Variants in KIAA1549 observed in about 807,000 individuals in gnomAD.
KIAA1549 encodes the protein KIAA1549.
KIAA1549 carries 70 observed loss-of-function variants against 156.4 expected under a neutral mutation model. That is an observed-to-expected ratio of 0.45 (90% CI 0.37 to 0.55). KIAA1549 has a LOEUF of 0.55. Among genes scored for constraint, KIAA1549 ranks in the 20% least tolerant of loss-of-function variants. KIAA1549 has a pLI of 0.00. For missense variants in KIAA1549, 2,428 were observed against 2,540.9 expected, an observed-to-expected ratio of 0.96 and a Z score of 0.96; for synonymous variants, 1,103 against 1,066.4, an observed-to-expected ratio of 1.03 and a Z score of -0.67.
At chr7:138,875,102 A>AAG (rs1811043326) in intron 12 of KIAA1549, among the ~76,000 whole-genome samples, 1 of 152,220 alleles carries the variant, frequency 6.6e-6, no homozygotes, top group African/African-American at 2.4e-5. Context: ...AATTAGCTTG[A>AAG]AGAGCATATT....
At chr7:138,902,900 G>A (rs1473537784) in intron 8 of KIAA1549, among the ~76,000 whole-genome samples, 1 of 152,076 alleles carries the variant, frequency 6.6e-6, no homozygotes, top group African/African-American at 2.4e-5. Flanking sequence ...AGAATTCATG[G>A]GGAAAAAAGA....
chr7:138,837,006 A>C lies in KIAA1549; in HGVS notation c.*900T>G, dbSNP rs1584976729. The C allele has an allele frequency of 4.4e-6, 1 of 229,204 alleles. No homozygotes were observed. Among genetic ancestry groups the C allele is most frequent in the East Asian group, 6.3e-5 (1 of 15,978 alleles). 14.2% of individuals were successfully genotyped at this position (229,204 alleles called of 1,614,324 possible). A position where few individuals can be genotyped will look rare whatever the true frequency, so the allele number is the denominator to read the frequency against. Reference sequence around the variant, plus strand: ...AGAAAGGATCAGTTAGGACCTCTTGAAAGCCGCATTCTACAGGATCGGCCT... The same window carrying C: ...AGAAAGGATCAGTTAGGACCTCTTGCAAGCCGCATTCTACAGGATCGGCCT... On this transcript the variant is annotated 3_prime_UTR_variant, in exon 20 of 20. Coordinates refer to ENST00000422774, the MANE Select transcript of KIAA1549 (RefSeq NM_001164665.2).
chr7:138,872,562 G>C (rs75395300), intron 12 of KIAA1549, among the ~76,000 whole-genome samples: 2 of 152,114 alleles, frequency 1.3e-5, no homozygotes, highest in African/African-American at 4.8e-5. Flanking sequence ...AAAAGAGAAA[G>C]AGAAAAATGA....
At chr7:138,868,215 C>T in intron 14 of KIAA1549, 87 bp from the exon 15 acceptor site, 4 of 1,269,268 alleles carry the variant, frequency 3.2e-6, no homozygotes, top group Non-Finnish European at 4.4e-6. Flanking sequence ...CCCTGAGTAC[C>T]TAGGATGTGC....
chr7:138,841,551 T>G (rs1233618739), intron 18 of KIAA1549, among the ~76,000 whole-genome samples: 1 of 152,228 alleles, frequency 6.6e-6, no homozygotes, highest in Non-Finnish European at 1.5e-5. Context: ...GCGAACAAAG[T>G]GATCCTTAAG....
intron 1 of KIAA1549, among the ~76,000 whole-genome samples, chr7:138,970,418 C>T (rs896227191): frequency 2.0e-5 from 3 of 152,196 alleles, no homozygotes; most frequent in Non-Finnish European, 2.9e-5. Context: ...GCTCCGAACC[C>T]GCTACTGCTC....
At chr7:138,881,727 G>T in intron 10 of KIAA1549, 143 bp from the exon 11 acceptor site, 1 of 695,638 alleles carries the variant, frequency 1.4e-6, no homozygotes, top group African/African-American at 1.8e-5. Flanking sequence ...CTGCATGCCA[G>T]GTTCTGTTTA....
chr7:138,917,200 G>A lies in KIAA1549; in HGVS notation c.2426C>T (p.Thr809Ile). Residue 809 changes from threonine to isoleucine, a missense_variant, in exon 2 of 20, where the codon ACA becomes ATA. Thr to Ile is a moderately conservative substitution (Grantham distance 89). Coordinates refer to ENST00000422774, the MANE Select transcript of KIAA1549 (RefSeq NM_001164665.2). Reference protein sequence around the residue: ...LTESSLFSTLTPPDDQISALD... With the variant: ...LTESSLFSTLIPPDDQISALD... ...AGCACTGATTTGGTCGTCAGGAGGT[G>A]TCAGAGTTGAGAACAAAGAAGACTC... 1 of 1,613,996 alleles carries A rather than the reference G, an allele frequency of 6.2e-7. No homozygotes were observed. Among genetic ancestry groups the A allele is most frequent in the Non-Finnish European group, 8.5e-7 (1 of 1,179,910 alleles).
Position 138,911,089 on chromosome 7 carries a change from T to TAA in KIAA1549, c.3145+55_3145+56dup, listed in dbSNP as rs11379929. The TAA allele has an allele frequency of 3.2e-3, 3,387 of 1,060,360 alleles. 3 individuals are homozygous for TAA. Among genetic ancestry groups the TAA allele is most frequent in the African/African-American group, 6.7e-3 (394 of 58,442 alleles). 65.7% of individuals were successfully genotyped at this position (1,060,360 alleles called of 1,614,324 possible). On this transcript the variant is annotated intron_variant, in intron 4 of 19. Transcript: ENST00000422774. ...AATGATTTCCAATATTTTAGAAAGA[T>TAA]AAAAAAAAAATGAAATTCTTTTTAC...
chr7:138,848,305 T>C (rs1810136834), intron 17 of KIAA1549, among the ~76,000 whole-genome samples: 1 of 152,244 alleles, frequency 6.6e-6, no homozygotes, highest in Non-Finnish European at 1.5e-5. Context: ...CACCATTGAG[T>C]AATATTTGCC....
chr7:138,905,161 C>T (rs1203849393), intron 6 of KIAA1549, 80 bp from the exon 7 acceptor site: 15 of 930,808 alleles, frequency 1.6e-5, no homozygotes, highest in Non-Finnish European at 2.4e-5. Flanking sequence ...CCCAACACAT[C>T]GTCTTTACTA....
intron 17 of KIAA1549, among the ~76,000 whole-genome samples, chr7:138,845,447 T>A (rs1400227199): frequency 6.6e-6 from 1 of 152,194 alleles, no homozygotes; most frequent in African/African-American, 2.4e-5. Flanking sequence ...GCATTCTTCT[T>A]GCTACCACAC....
chr7:138,839,151 C>A (rs980371758), intron 19 of KIAA1549, among the ~76,000 whole-genome samples: 8 of 152,138 alleles, frequency 5.3e-5, no homozygotes, highest in African/African-American at 1.9e-4. Context: ...AGGGAAGCAC[C>A]TTATTCTAAA....
At position 138,881,400 on chromosome 7, in the gene KIAA1549, C is replaced by A. The variant is rs375872081; in HGVS notation, c.4217G>T (p.Arg1406Leu). 1.2e-6 allele frequency: 2 copies of A among 1,613,246 alleles called. No homozygotes were observed. Among genetic ancestry groups the A allele is most frequent in the Non-Finnish European group, 1.7e-6 (2 of 1,179,654 alleles). The change falls in exon 11 of 20, where the codon CGT (arginine) becomes CTT (leucine). Residue 1406 changes from arginine to leucine, a missense_variant. Coordinates refer to ENST00000422774, the MANE Select transcript of KIAA1549 (RefSeq NM_001164665.2). ...PKSKIPSKNV[R>L]HRGRVSPSDA... Reference sequence around the variant, plus strand: ...GCCCAATAATAACCTTCCTCTGTGACGAACATTCTTGGAAGGGATCTTTGA... The same window carrying A: ...GCCCAATAATAACCTTCCTCTGTGAAGAACATTCTTGGAAGGGATCTTTGA...
intron 1 of KIAA1549, among the ~76,000 whole-genome samples, chr7:138,970,979 T>G (rs1469576943): frequency 6.6e-6 from 1 of 152,112 alleles, no homozygotes; most frequent in East Asian, 1.9e-4. Flanking sequence ...CAGGAGAGTT[T>G]CCAAGAGACT....
Position 138,918,892 on chromosome 7 carries a change from G to A in KIAA1549, c.734C>T (p.Thr245Ile). The A allele has an allele frequency of 6.2e-7, 1 of 1,614,064 alleles. No individual in the cohort carries two copies. The highest frequency in any genetic ancestry group is 8.5e-7 in the Non-Finnish European group (1 of 1,179,906). The change falls in exon 2 of 20, where the codon ACT (threonine) becomes ATT (isoleucine). Residue 245 changes from threonine to isoleucine, a missense_variant. Coordinates refer to ENST00000422774, the MANE Select transcript of KIAA1549 (RefSeq NM_001164665.2). The surrounding 1 kb of genome is among the most constrained non-coding windows in gnomAD (Gnocchi z 4.2). ...ATAAAGCACCAAATTCCTGCCAGGA[G>A]TTGGAACGATGCCCTCAGAGGTGCG... ...AFRTSEGIVP[T>I]PGRNLVLYPT...
chr7:138,832,285 C>G lies in KIAA1549; in HGVS notation c.*5621G>C. 1 of 197,378 alleles carries G rather than the reference C, an allele frequency of 5.1e-6. No homozygotes were observed. Among genetic ancestry groups the G allele is most frequent in the East Asian group, 7.8e-5 (1 of 12,800 alleles). 12.2% of individuals were successfully genotyped at this position (197,378 alleles called of 1,614,324 possible). ...GATTATAGCTCACTGCAGCCTCCAA[C>G]TCATTGGCTCAAGCGATCCTCCAGT... is the stretch of plus-strand genomic sequence containing the variant. On this transcript the variant is annotated 3_prime_UTR_variant, in exon 20 of 20. Coordinates refer to ENST00000422774, the MANE Select transcript of KIAA1549 (RefSeq NM_001164665.2).
At chr7:138,844,498 A>T in intron 17 of KIAA1549, 24 bp from the exon 18 acceptor site, 3 of 1,514,226 alleles carry the variant, frequency 2.0e-6, no homozygotes, top group Non-Finnish European at 2.6e-6. Context: ...AAACCAGCAC[A>T]TCAGGACTCC....
chr7:138,972,853 G>A (rs935431495), intron 1 of KIAA1549, among the ~76,000 whole-genome samples: 10 of 152,092 alleles, frequency 6.6e-5, no homozygotes, highest in Admixed American at 1.3e-4. Flanking sequence ...ATAGAGTGTC[G>A]CTCTGTCACC....
Sources: allele counts gnomAD v4.1 joint callset (sites outside exome capture counted in the v4.1 genomes callset), GRCh38; gene constraint gnomAD v4.1.1; non-coding constraint Gnocchi (gnomAD v3.1); transcripts MANE v1.5; gene names NCBI Gene and HGNC (gene_info 2026-07-23, HGNC 2026-07-21).